TCF4: variants seen among roughly 807,000 people sequenced by gnomAD.
TCF4 encodes the protein SL3-3 enhancer factor 2.
Under a neutral mutation model 82.1 loss-of-function variants are expected in TCF4, and 3 were observed. That is an observed-to-expected ratio of 0.04 (90% confidence interval 0.02 to 0.09). The LOEUF is 0.09. Ranked by LOEUF, TCF4 falls within the 10% of genes least tolerant of loss-of-function variation. The pLI is 1.00. For synonymous variants in TCF4, 276 were observed against 309.6 expected, an observed-to-expected ratio of 0.89 and a Z score of 1.14; for missense variants, 518 against 852.7, an observed-to-expected ratio of 0.61 and a Z score of 4.89.
chr18:55,317,048 A>G (rs1196042665), intron 8 of TCF4, among the ~76,000 whole-genome samples: 2 of 152,088 alleles, frequency 1.3e-5, no homozygotes, highest in African/African-American at 2.4e-5. Flanking sequence ...GGCAAGATGT[A>G]GCCACAATGT....
At chr18:55,607,204 A>G (rs899066011) in intron 2 of TCF4, among the ~76,000 whole-genome samples, 1 of 152,210 alleles carries the variant, frequency 6.6e-6, no homozygotes, top group Non-Finnish European at 1.5e-5. Flanking sequence ...ACATCAGAAT[A>G]TACTCCCATC....
upstream of TCF4, chr18:55,588,482 C>T: frequency 1.3e-6 from 2 of 1,535,196 alleles, no homozygotes; most frequent in Non-Finnish European, 1.7e-6. Context: ...CATTTTTCCT[C>T]AGATCGTCAG....
At chr18:55,374,194 A>G (rs2090123519) in intron 6 of TCF4, among the ~76,000 whole-genome samples, 1 of 152,190 alleles carries the variant, frequency 6.6e-6, no homozygotes, top group Non-Finnish European at 1.5e-5. Context: ...AAATTGCAAG[A>G]TGTAAAAATA....
intron 3 of TCF4, among the ~76,000 whole-genome samples, chr18:55,520,115 A>T (rs1180017165): frequency 6.6e-6 from 1 of 152,180 alleles, no homozygotes. Flanking sequence ...ATGAATTTTT[A>T]TTTCCATTGA....
At chr18:55,521,510 A>G (rs1362235769) in intron 3 of TCF4, among the ~76,000 whole-genome samples, 2 of 152,262 alleles carry the variant, frequency 1.3e-5, no homozygotes, top group East Asian at 1.9e-4. Flanking sequence ...TTTGCTACCT[A>G]CATTATACGT....
At chr18:55,503,529 A>G (rs2096722349) in intron 3 of TCF4, among the ~76,000 whole-genome samples, 1 of 152,256 alleles carries the variant, frequency 6.6e-6, no homozygotes, top group Admixed American at 6.5e-5. Flanking sequence ...CAGAGATTCT[A>G]CTGACAGCAT....
chr18:55,413,379 T>G (rs2094423081), intron 5 of TCF4, among the ~76,000 whole-genome samples: 1 of 152,140 alleles, frequency 6.6e-6, no homozygotes, highest in African/African-American at 2.4e-5. Context: ...TGAAAACACA[T>G]TCCAAGGAAG....
chr18:55,557,742 C>G (rs1352222308), intron 3 of TCF4, among the ~76,000 whole-genome samples: 2 of 152,146 alleles, frequency 1.3e-5, no homozygotes, highest in Non-Finnish European at 2.9e-5. Context: ...TTCCCCACCC[C>G]TACTCAGGTA....
At chr18:55,294,341 G>A (rs567137417) in intron 8 of TCF4, among the ~76,000 whole-genome samples, 10 of 152,114 alleles carry the variant, frequency 6.6e-5, no homozygotes, top group African/African-American at 2.2e-4. Flanking sequence ...TAAATACTAC[G>A]GACTCCTTAG....
At position 55,224,102 on chromosome 18, in the gene TCF4, G is replaced by A. The variant is rs1390733476; in HGVS notation, c.*3933C>T. The A allele has an allele frequency of 6.7e-6, 1 of 148,512 alleles. No individual in the cohort carries two copies. Among genetic ancestry groups the A allele is most frequent in the Admixed American group, 6.7e-5 (1 of 14,912 alleles). 9.2% of individuals were successfully genotyped at this position (148,512 alleles called of 1,614,324 possible). On this transcript the variant is annotated 3_prime_UTR_variant, in exon 20 of 20. Coordinates refer to ENST00000354452, the MANE Select transcript of TCF4 (RefSeq NM_001083962.2). ...TACTACAGTCTATTTTATAGCAAAA[G>A]AGCACTAGACAAACAAAGCTTTATA...
intron 8 of TCF4, among the ~76,000 whole-genome samples, chr18:55,323,703 C>T (rs55760934): frequency 0.016 from 2,510 of 152,248 alleles, 72 homozygotes; most frequent in African/African-American, 0.057. Flanking sequence ...ATACACAAGG[C>T]CAGGGTACCC....
At chr18:55,422,768 A>C (rs2094821416) in intron 5 of TCF4, among the ~76,000 whole-genome samples, 1 of 152,154 alleles carries the variant, frequency 6.6e-6, no homozygotes, top group Admixed American at 6.5e-5. Flanking sequence ...TGTCAGCAAA[A>C]GCATTATCAA....
chr18:55,499,559 C>G (rs2096674188), intron 3 of TCF4, among the ~76,000 whole-genome samples: 1 of 152,294 alleles, frequency 6.6e-6, no homozygotes, highest in East Asian at 1.9e-4. Flanking sequence ...ACATTAGAAT[C>G]AACTGGGGAG....
Position 55,460,901 on chromosome 18 carries a change from T to C in TCF4, c.304+118A>G, listed in dbSNP as rs202178402. 1.0e-4 allele frequency: 88 copies of C among 840,742 alleles called. No homozygotes were observed. The East Asian group carries it at 2.3e-3, about 22-fold the overall frequency. The allele number at this position is 840,742 out of a possible 1,614,324, so 52.1% of individuals were successfully genotyped here. A position where few individuals can be genotyped will look rare whatever the true frequency, so the allele number is the denominator to read the frequency against. ...CTCTGCAATTTAAGATTATTACAAG[T>C]GAACTGACTAAATATCCAAGTTTCT... On this transcript the variant is annotated intron_variant, in intron 5 of 19. Coordinates refer to ENST00000354452, the MANE Select transcript of TCF4 (RefSeq NM_001083962.2).
intron 3 of TCF4, among the ~76,000 whole-genome samples, chr18:55,478,317 C>G (rs1196277113): frequency 2.0e-5 from 3 of 152,200 alleles, no homozygotes; most frequent in African/African-American, 7.2e-5. Flanking sequence ...AAAATAGCCA[C>G]TAAGCCAGAT....
chr18:55,262,076 C>T (rs901784546), intron 11 of TCF4, among the ~76,000 whole-genome samples: 3 of 152,128 alleles, frequency 2.0e-5, no homozygotes, highest in Non-Finnish European at 4.4e-5. Flanking sequence ...TTTTAAATAA[C>T]ATATATTCTC....
chr18:55,634,528 A>G (rs1462275063), intron 1 of TCF4, among the ~76,000 whole-genome samples: 1 of 152,110 alleles, frequency 6.6e-6, no homozygotes, highest in Non-Finnish European at 1.5e-5. Flanking sequence ...AAAAGAAAAA[A>G]CATCCCATCT....
intron 8 of TCF4, among the ~76,000 whole-genome samples, chr18:55,316,741 C>T (rs1227473423): frequency 6.6e-6 from 1 of 152,052 alleles, no homozygotes; most frequent in African/African-American, 2.4e-5. Flanking sequence ...TAAAAGACTG[C>T]ATCAACTATT....
At chr18:55,429,453 C>T (rs947114594) in intron 5 of TCF4, among the ~76,000 whole-genome samples, 1 of 152,134 alleles carries the variant, frequency 6.6e-6, no homozygotes, top group African/African-American at 2.4e-5. Context: ...CCATCTCTTC[C>T]ATGAGAACTC....
Sources: allele counts gnomAD v4.1 joint callset (sites outside exome capture counted in the v4.1 genomes callset), GRCh38; gene constraint gnomAD v4.1.1; transcripts MANE v1.5; gene names NCBI Gene and HGNC (gene_info 2026-07-23, HGNC 2026-07-21).